EPSTI1: variants seen among roughly 807,000 people sequenced by gnomAD.
The protein encoded by EPSTI1 is epithelial-stromal interaction protein 1.
Under a neutral mutation model 49.9 loss-of-function variants are expected in EPSTI1, and 66 were observed. The observed-to-expected ratio is 1.32, with a 90% CI of 1.08 to 1.62. The LOEUF (loss-of-function observed/expected upper bound fraction) is 1.62, where lower values mean the gene tolerates loss of function less well. EPSTI1 is among the 40% of genes most tolerant of loss of function. The pLI, the probability that EPSTI1 is intolerant of heterozygous loss-of-function variation, is 0.00. For synonymous variants in EPSTI1, 137 were observed against 130.7 expected (o/e 1.05, Z -0.33); for missense variants, 394 against 365.5 (o/e 1.08, Z -0.64).
chr13:42,970,155 T>C (rs2039731425), intron 2 of EPSTI1: 1 of 152,476 alleles, frequency 6.6e-6, no homozygotes, highest in South Asian at 2.1e-4. Flanking sequence ...ACAGCTGGAC[T>C]TGAGCAAGCC....
intron 10 of EPSTI1, among the ~76,000 whole-genome samples, chr13:42,888,773 C>A (rs1276495130): frequency 6.6e-6 from 1 of 152,062 alleles, no homozygotes; most frequent in African/African-American, 2.4e-5. Flanking sequence ...ACAGAGGTGA[C>A]AAATATACAG....
In EPSTI1 at chr13:42,964,138, AC is replaced by A. The variant is rs772001055; in HGVS notation, c.332del (p.Gly111ValfsTer17). ...TGACTTCAGTTTCTGACTGGCTTCC[AC>A]CTTAGGAAAAAAAAATCCATGAAGG... is the stretch of plus-strand genomic sequence containing the variant. Reference protein sequence around the residue: ...KPVHLVPRRLGGSQSETEVRQ... With the variant: ...KPVHLVPRRLXGSQSETEVRQ... On this transcript the variant is annotated frameshift_variant and splice_region_variant, in exon 4 of 11. Transcript: ENST00000313624. LOFTEE classifies it high-confidence loss of function. 1 of 1,612,332 alleles carries A rather than the reference AC, an allele frequency of 6.2e-7. No individual in the cohort carries two copies. Among genetic ancestry groups the A allele is most frequent in the East Asian group, 2.2e-5 (1 of 44,818 alleles).
intron 1 of EPSTI1, among the ~76,000 whole-genome samples, chr13:42,981,759 A>G (rs1425999595): frequency 1.3e-5 from 2 of 152,246 alleles, no homozygotes; most frequent in African/African-American, 4.8e-5. Context: ...GGGTTATGAA[A>G]TCAATTCAGT....
chr13:42,940,364 C>T (rs1017518285), intron 6 of EPSTI1, among the ~76,000 whole-genome samples: 18 of 152,170 alleles, frequency 1.2e-4, no homozygotes, highest in Non-Finnish European at 1.6e-4. Context: ...CTTCCTAGTA[C>T]CATTATGTTC....
chr13:42,976,188 C>CATCTATTCTCTCTGGCCTCCAGTCTTA (rs1432490799), intron 1 of EPSTI1, among the ~76,000 whole-genome samples: 1 of 152,208 alleles, frequency 6.6e-6, no homozygotes. Context: ...AGCTTATTTA[C>CATCTATTCTCTCTGGCCTCCAGTCTTA]ATCTATTCTC....
In EPSTI1 at chr13:42,926,340, G is replaced by T; in HGVS notation, c.653C>A (p.Thr218Lys). 1 of 1,593,032 alleles carries T rather than the reference G, an allele frequency of 6.3e-7. No individual in the cohort carries two copies. The highest frequency in any genetic ancestry group is 1.7e-5 in the Admixed American group (1 of 59,992). The change falls in exon 7 of 11, where the codon ACA (threonine) becomes AAA (lysine). Residue 218 changes from threonine to lysine, a missense_variant. Transcript: ENST00000313624. ...QSAVCGPQSS[T>K]WARSWAYRDS... is the part of the protein sequence containing the mutation. The stretch of plus-strand genomic sequence containing the variant: ...CCTGCAAAGTAATTCACTTACCCAT[G>T]TTGAGGATTGTGGGCCACAAACAGC...
intron 1 of EPSTI1, among the ~76,000 whole-genome samples, chr13:42,972,594 C>T (rs746172827): frequency 6.6e-6 from 1 of 152,186 alleles, no homozygotes; most frequent in Non-Finnish European, 1.5e-5. Flanking sequence ...AACTTTTCAA[C>T]TCAATGTGCA....
At chr13:42,892,673 G>A (rs1349740059) in intron 10 of EPSTI1, among the ~76,000 whole-genome samples, 1 of 152,160 alleles carries the variant, frequency 6.6e-6, no homozygotes, top group Non-Finnish European at 1.5e-5. Flanking sequence ...GGAGGAAGGG[G>A]TCTGGGCTGG....
chr13:42,921,254 G>C (rs1293682176), intron 7 of EPSTI1, among the ~76,000 whole-genome samples: 2 of 152,144 alleles, frequency 1.3e-5, no homozygotes, highest in African/African-American at 4.8e-5. Flanking sequence ...AGGGGAAACA[G>C]AGAAAATCCT....
At chr13:42,889,788 ATATAGT>A (rs1210968283) in intron 10 of EPSTI1, among the ~76,000 whole-genome samples, 2 of 152,106 alleles carry the variant, frequency 1.3e-5, no homozygotes, top group Non-Finnish European at 2.9e-5. Context: ...TTTAATGTAG[ATATAGT>A]TATCTTTTTT....
intron 7 of EPSTI1, among the ~76,000 whole-genome samples, chr13:42,924,338 A>G (rs1396446680): frequency 6.6e-6 from 1 of 152,222 alleles, no homozygotes; most frequent in African/African-American, 2.4e-5. Flanking sequence ...GGATCCTATG[A>G]CAAATGCACT....
intron 7 of EPSTI1, among the ~76,000 whole-genome samples, chr13:42,921,158 C>T (rs958591138): frequency 4.0e-5 from 6 of 151,502 alleles, no homozygotes; most frequent in African/African-American, 7.3e-5. Flanking sequence ...ATTTCCAGAC[C>T]GAAAATGAAT....
At chr13:42,898,677 A>G (rs533386880) in intron 9 of EPSTI1, among the ~76,000 whole-genome samples, 40 of 152,314 alleles carry the variant, frequency 2.6e-4, no homozygotes, top group South Asian at 6.2e-4. Flanking sequence ...CTATAACAAA[A>G]AAGTTATCTT....
chr13:42,894,985 T>A (rs764073311), intron 10 of EPSTI1, 24 bp downstream of exon 10: 7 of 1,564,942 alleles, frequency 4.5e-6, no homozygotes, highest in Admixed American at 1.7e-5. Context: ...TGAAAGATGA[T>A]TTAAGAGAAA....
Position 42,895,079 on chromosome 13 carries a change from T to C in EPSTI1, c.845A>G (p.Gln282Arg). The C allele has an allele frequency of 6.2e-7, 1 of 1,613,378 alleles. No homozygotes were observed. Among genetic ancestry groups the C allele is most frequent in the Non-Finnish European group, 8.5e-7 (1 of 1,179,656 alleles). ...GAGGCCACCTGGTTGACTTTTGCCTTGGAGTCGGTCCAGAAAAGCATTATT... is the reference window on the plus strand; with the variant it reads ...GAGGCCACCTGGTTGACTTTTGCCTCGGAGTCGGTCCAGAAAAGCATTATT... The part of the protein sequence containing the change: ...RVNNAFLDRL[Q>R]GKSQPGGLEQ... Residue 282 changes from glutamine (Q) to arginine (R), a missense_variant, in exon 10 of 11, where the codon CAA (glutamine) becomes CGA (arginine). By Grantham distance (43) the Gln-to-Arg change is conservative. Transcript: ENST00000313624.
intron 9 of EPSTI1, among the ~76,000 whole-genome samples, chr13:42,896,967 G>T (rs748117856): frequency 2.6e-5 from 4 of 152,062 alleles, no homozygotes; most frequent in Non-Finnish European, 4.4e-5. Flanking sequence ...CGGCATGGTG[G>T]TGGGCACCTA....
At chr13:42,964,564 A>C (rs768488359) in intron 3 of EPSTI1, among the ~76,000 whole-genome samples, 12 of 152,082 alleles carry the variant, frequency 7.9e-5, no homozygotes, top group Non-Finnish European at 1.8e-4. Flanking sequence ...TTCTTCTTCT[A>C]ACTCTATTGC....
intron 8 of EPSTI1, among the ~76,000 whole-genome samples, chr13:42,909,848 A>G (rs556461293): frequency 6.6e-6 from 1 of 152,294 alleles, no homozygotes; most frequent in Non-Finnish European, 1.5e-5. Context: ...TATAGGGAAT[A>G]AATTCAAGAG....
chr13:42,975,143 C>T (rs980767411), intron 1 of EPSTI1, among the ~76,000 whole-genome samples: 1 of 152,146 alleles, frequency 6.6e-6, no homozygotes. Flanking sequence ...GTTACATGAC[C>T]TTCAATGTAA....
Sources: gnomAD v4.1 joint callset for allele counts (sites outside exome capture counted in the v4.1 genomes callset) on GRCh38, gnomAD v4.1.1 for gene constraint, MANE v1.5 for transcripts, NCBI Gene and HGNC (gene_info 2026-07-23, HGNC 2026-07-21) for gene names.